NUAK1: variants seen among roughly 807,000 people sequenced by gnomAD.
NUAK1 encodes the protein NUAK family SNF1-like kinase 1.
NUAK1 carries 26 observed loss-of-function variants against 56.9 expected under a neutral mutation model. The ratio of observed to expected loss-of-function variants is 0.46; its 90% CI spans 0.33 to 0.63. NUAK1 has a LOEUF of 0.63. Among genes scored for constraint, NUAK1 ranks in the 30% least tolerant of loss-of-function variants. NUAK1 has a pLI of 0.02. For missense variants in NUAK1, 727 were observed against 876.1 expected (o/e 0.83, Z 2.15); for synonymous variants, 337 against 336.0 (o/e 1.00, Z -0.03).
At chr12:106,092,524 A>G (rs1442591547) in intron 2 of NUAK1, among the ~76,000 whole-genome samples, 1 of 152,124 alleles carries the variant, frequency 6.6e-6, no homozygotes, top group African/African-American at 2.4e-5. Context: ...CACGTAGTAT[A>G]CCTTCTTTTG....
At chr12:106,076,697 A>C (rs1379669631) in intron 4 of NUAK1, among the ~76,000 whole-genome samples, 1 of 152,182 alleles carries the variant, frequency 6.6e-6, no homozygotes, top group African/African-American at 2.4e-5. Context: ...AAAAGGATTA[A>C]CCTCACTACA....
chr12:106,072,126 C>T (rs2032412015), intron 5 of NUAK1, among the ~76,000 whole-genome samples: 1 of 152,106 alleles, frequency 6.6e-6, no homozygotes, highest in African/African-American at 2.4e-5. Flanking sequence ...AATGTATTTC[C>T]TTAGTCAGAT....
At chr12:106,122,965 G>A (rs920698429) in intron 1 of NUAK1, among the ~76,000 whole-genome samples, 9 of 152,248 alleles carry the variant, frequency 5.9e-5, no homozygotes, top group Non-Finnish European at 8.8e-5. Context: ...CTCGCATAAC[G>A]CCCAACCTGT....
intron 2 of NUAK1, among the ~76,000 whole-genome samples, chr12:106,090,003 A>C (rs1189226009): frequency 6.6e-6 from 1 of 152,162 alleles, no homozygotes; most frequent in South Asian, 2.1e-4. Context: ...AACCCAAGCC[A>C]AACATTAATA....
At chr12:106,104,859 A>G (rs1313731667) in intron 2 of NUAK1, among the ~76,000 whole-genome samples, 3 of 152,186 alleles carry the variant, frequency 2.0e-5, no homozygotes, top group African/African-American at 7.2e-5. Context: ...AACGAAAACT[A>G]TCAGAAAAAC....
intron 1 of NUAK1, among the ~76,000 whole-genome samples, chr12:106,110,397 C>T (rs1234239861): frequency 2.0e-5 from 3 of 152,102 alleles, no homozygotes; most frequent in African/African-American, 2.4e-5. Context: ...GGGGAGGGTA[C>T]GGGCAATAAG....
At chr12:106,123,519 T>C (rs769253700) in intron 1 of NUAK1, among the ~76,000 whole-genome samples, 1 of 152,176 alleles carries the variant, frequency 6.6e-6, no homozygotes, top group Non-Finnish European at 1.5e-5. Flanking sequence ...GAGGCAGATA[T>C]GTGAGCTGGA....
chr12:106,084,110 C>T (rs1319716815), intron 3 of NUAK1, 181 bp from the exon 4 acceptor site: 16 of 593,474 alleles, frequency 2.7e-5, no homozygotes, highest in East Asian at 5.5e-5. Context: ...CCCCCGCCAG[C>T]GACCAACCAG....
At chr12:106,115,652 T>C (rs1253464838) in intron 1 of NUAK1, among the ~76,000 whole-genome samples, 9 of 152,196 alleles carry the variant, frequency 5.9e-5, no homozygotes, top group Non-Finnish European at 1.5e-5. Context: ...ATCTCCCTCA[T>C]TAGTGCTCCA....
intron 2 of NUAK1, among the ~76,000 whole-genome samples, chr12:106,088,182 C>G (rs2032595160): frequency 6.6e-6 from 1 of 152,194 alleles, no homozygotes; most frequent in Non-Finnish European, 1.5e-5. Context: ...ATACTTTGGA[C>G]TTTCACATAA....
chr12:106,075,356 T>C (rs1187329732), intron 4 of NUAK1, among the ~76,000 whole-genome samples: 1 of 149,316 alleles, frequency 6.7e-6, no homozygotes, highest in African/African-American at 2.5e-5. Flanking sequence ...CTTGAGCCAT[T>C]CAAACTTAGG....
chr12:106,112,772 GA>G (rs61261245), intron 1 of NUAK1, among the ~76,000 whole-genome samples: 37,563 of 152,096 alleles, frequency 0.25, 7,880 homozygotes, highest in African/African-American at 0.58. Flanking sequence ...AACAGGCTCT[GA>G]GGCGAGGCAC....
chr12:106,081,139 T>G (rs919743662), intron 4 of NUAK1, among the ~76,000 whole-genome samples: 1 of 152,214 alleles, frequency 6.6e-6, no homozygotes, highest in Non-Finnish European at 1.5e-5. Flanking sequence ...TATTCCAAAA[T>G]CAAACCATTT....
chr12:106,087,052 G>T, intron 2 of NUAK1, 167 bp from the exon 3 acceptor site: 1 of 699,086 alleles, frequency 1.4e-6, no homozygotes, highest in Non-Finnish European at 2.3e-6. Context: ...GGGGCGTGCT[G>T]TCCCGCCAGG....
Position 106,138,412 on chromosome 12 carries a change from A to T in NUAK1, c.240+2T>A. On this transcript the variant is annotated splice_donor_variant, in intron 1 of 6. Transcript: ENST00000261402. LOFTEE classifies it high-confidence loss of function. The surrounding 1 kb of genome is among the most constrained non-coding windows in gnomAD (Gnocchi z 5.0). ...CGCACCCTCCAGGATTGCCCCACTCACCACTCGGCCAGAAAACCTCTCGGT... is the reference window on the plus strand; with the variant it reads ...CGCACCCTCCAGGATTGCCCCACTCTCCACTCGGCCAGAAAACCTCTCGGT... 1 of 1,595,184 alleles carries T rather than the reference A, an allele frequency of 6.3e-7. No individual in the cohort carries two copies. Among genetic ancestry groups the T allele is most frequent in the Non-Finnish European group, 8.5e-7 (1 of 1,173,354 alleles).
intron 2 of NUAK1, among the ~76,000 whole-genome samples, chr12:106,096,313 A>C (rs2136467083): frequency 6.6e-6 from 1 of 152,308 alleles, no homozygotes; most frequent in East Asian, 1.9e-4. Context: ...GCCTCTAGAA[A>C]AATGACTTGG....
intron 4 of NUAK1, among the ~76,000 whole-genome samples, chr12:106,073,635 T>C (rs1457330024): frequency 1.3e-5 from 2 of 151,910 alleles, no homozygotes; most frequent in South Asian, 2.1e-4. Context: ...CTGGCCAACA[T>C]GGAAAAACCC....
In NUAK1 at chr12:106,066,807, T is replaced by G. The variant is rs756555513; in HGVS notation, c.1981A>C (p.Asn661His). The G allele has an allele frequency of 1.4e-4, 224 of 1,605,418 alleles. No homozygotes were observed. The highest frequency in any genetic ancestry group is 1.9e-4 in the Non-Finnish European group (218 of 1,173,682). Reference protein sequence around the residue: ...KQALEICSKLN With the variant: ...KQALEICSKLH ...CCCCTGGGCGCCCTGGAATGCTAGT[T>G]GAGCTTGCTGCAGATCTCCAGCGCT... The change falls in exon 7 of 7, where the codon AAC (asparagine) becomes CAC (histidine). Residue 661 changes from asparagine to histidine, a missense_variant. Transcript: ENST00000261402.
At chr12:106,134,409 T>TAGGTGAGGATGCCCCATCACCC (rs2136486778) in intron 1 of NUAK1, among the ~76,000 whole-genome samples, 1 of 152,334 alleles carries the variant, frequency 6.6e-6, no homozygotes, top group African/African-American at 2.4e-5. Flanking sequence ...CTTGGCTTGC[T>TAGGTGAGGATGCCCCATCACCC]AGGTGAGGAT....
Sources: allele counts gnomAD v4.1 joint callset (sites outside exome capture counted in the v4.1 genomes callset), GRCh38; gene constraint gnomAD v4.1.1; non-coding constraint Gnocchi (gnomAD v3.1); transcripts MANE v1.5; gene names NCBI Gene and HGNC (gene_info 2026-07-23, HGNC 2026-07-21).